Variants in LAMA2 observed in about 807,000 individuals in gnomAD.
LAMA2 encodes laminin subunit alpha-2.
LAMA2 carries 269 observed loss-of-function variants against 364.8 expected under a neutral mutation model. That is an observed-to-expected ratio of 0.74 (90% CI 0.67 to 0.82). The LOEUF (loss-of-function observed/expected upper bound fraction) is 0.82. LAMA2 is among the 40% of genes least tolerant of loss of function. The pLI is 0.00. For synonymous variants in LAMA2, 1,379 were observed against 1,370.6 expected, an observed-to-expected ratio of 1.01 and a Z score of -0.14; for missense variants, 3,807 against 3,873.2, an observed-to-expected ratio of 0.98 and a Z score of 0.45.
chr6:129,309,853 G>A, intron 22 of LAMA2, among the ~76,000 whole-genome samples: 1 of 150,644 alleles, frequency 6.6e-6, no homozygotes, highest in East Asian at 2.0e-4. Flanking sequence ...TAATTAGATA[G>A]AAAAATACTT....
chr6:128,887,741 G>A (rs1776224634), intron 1 of LAMA2, among the ~76,000 whole-genome samples: 1 of 152,018 alleles, frequency 6.6e-6, no homozygotes, highest in Admixed American at 6.5e-5. Flanking sequence ...GTGGTGGCAT[G>A]TGCCTGTAAT....
chr6:129,358,338 C>T (rs1215829421), intron 32 of LAMA2, among the ~76,000 whole-genome samples: 1 of 151,930 alleles, frequency 6.6e-6, no homozygotes, highest in Non-Finnish European at 1.5e-5. Flanking sequence ...TAAGGAGTTG[C>T]ACAGTTGAAT....
At chr6:129,299,663 T>A (rs1451974153) in intron 21 of LAMA2, among the ~76,000 whole-genome samples, 3 of 152,196 alleles carry the variant, frequency 2.0e-5, no homozygotes, top group Non-Finnish European at 4.4e-5. Flanking sequence ...AAATAAATCA[T>A]TTGGCTTAAA....
rs758481785 is a variant in LAMA2, at chr6:129,475,320, T to G, written c.7440-70T>G. The G allele has an allele frequency of 5.5e-6, 5 of 904,540 alleles. No individual in the cohort carries two copies. In the Admixed American group the frequency reaches 8.8e-5, roughly 16 times the overall value. The allele number at this position is 904,540 out of a possible 1,614,324, so 56.0% of individuals were successfully genotyped here. A position where few individuals can be genotyped will look rare whatever the true frequency, so the allele number is the denominator to read the frequency against. ...TTATGATTAAAGTTTATTGTTTTACTAAATGAAAATGTAATTATAAGTAAA... is the reference window on the plus strand; with the variant it reads ...TTATGATTAAAGTTTATTGTTTTACGAAATGAAAATGTAATTATAAGTAAA... On this transcript the variant is annotated intron_variant, in intron 52 of 64. Transcript: ENST00000421865.
intron 40 of LAMA2, among the ~76,000 whole-genome samples, chr6:129,424,041 TTAGAA>T (rs1253942434): frequency 6.6e-6 from 1 of 152,076 alleles, no homozygotes; most frequent in Non-Finnish European, 1.5e-5. Flanking sequence ...AAATAGATTA[TTAGAA>T]TAGATTAAAG....
At chr6:128,921,139 T>G (rs942179575) in intron 1 of LAMA2, among the ~76,000 whole-genome samples, 8 of 152,210 alleles carry the variant, frequency 5.3e-5, no homozygotes, top group African/African-American at 1.9e-4. Context: ...TAGATAGGAA[T>G]TACGTTTAAA....
chr6:129,401,832 T>C (rs551665715), intron 38 of LAMA2, among the ~76,000 whole-genome samples: 12 of 111,122 alleles, frequency 1.1e-4, no homozygotes, highest in Non-Finnish European at 1.7e-4. Context: ...GTTTCTTAAA[T>C]TTCCTAGTCT....
intron 1 of LAMA2, among the ~76,000 whole-genome samples, chr6:128,899,490 T>C (rs1028656981): frequency 1.2e-4 from 18 of 152,236 alleles, no homozygotes; most frequent in African/African-American, 4.3e-4. Flanking sequence ...TTGTTTCTGT[T>C]GCTTTATCTC....
intron 56 of LAMA2, among the ~76,000 whole-genome samples, chr6:129,488,259 G>A (rs1184732335): frequency 6.6e-6 from 1 of 152,090 alleles, no homozygotes; most frequent in Non-Finnish European, 1.5e-5. Context: ...TCAGTGAGCC[G>A]AGATCGCACC....
chr6:128,914,093 T>C (rs980271692), intron 1 of LAMA2, among the ~76,000 whole-genome samples: 1 of 152,138 alleles, frequency 6.6e-6, no homozygotes, highest in Non-Finnish European at 1.5e-5. Context: ...TTAACAGAAA[T>C]TATTTCCAAC....
chr6:129,406,937 C>T (rs1448580374), intron 40 of LAMA2, among the ~76,000 whole-genome samples: 2 of 152,152 alleles, frequency 1.3e-5, no homozygotes, highest in East Asian at 1.9e-4. Context: ...AAAGGCCTGA[C>T]AGCCCCTGGC....
At chr6:129,402,208 CAAAA>C (rs372396435) in intron 38 of LAMA2, 112 bp from the exon 39 acceptor site, 180 of 447,726 alleles carry the variant, frequency 4.0e-4, no homozygotes, top group Middle Eastern at 1.3e-3. Flanking sequence ...GACTCTGTCT[CAAAA>C]AAAAAAAAAA....
At chr6:128,940,128 T>C (rs1735789187) in intron 1 of LAMA2, among the ~76,000 whole-genome samples, 1 of 152,172 alleles carries the variant, frequency 6.6e-6, no homozygotes, top group South Asian at 2.1e-4. Context: ...TTTCTGAATG[T>C]GTTCTGTTCC....
At chr6:129,278,423 T>C (rs1788475488) in intron 17 of LAMA2, among the ~76,000 whole-genome samples, 1 of 152,194 alleles carries the variant, frequency 6.6e-6, no homozygotes, top group Non-Finnish European at 1.5e-5. Flanking sequence ...AAAGAAGACA[T>C]ATATATGCTA....
chr6:129,473,108 A>G (rs754506186), intron 51 of LAMA2, 106 bp from the exon 52 acceptor site: 5 of 782,810 alleles, frequency 6.4e-6, no homozygotes, highest in Non-Finnish European at 6.4e-6. Context: ...GAGAAAGTCA[A>G]TGTTAATTCT....
chr6:129,349,201 A>G, intron 30 of LAMA2, 97 bp from the exon 31 acceptor site: 1 of 916,294 alleles, frequency 1.1e-6, no homozygotes. Context: ...ATTACTACCT[A>G]AAAGTATGTC....
At chr6:129,200,137 T>C (rs1562323698) in intron 12 of LAMA2, among the ~76,000 whole-genome samples, 1 of 119,206 alleles carries the variant, frequency 8.4e-6, no homozygotes, top group African/African-American at 3.1e-5. Context: ...TATATATACG[T>C]GTACACATAT....
intron 12 of LAMA2, among the ~76,000 whole-genome samples, chr6:129,222,374 G>A (rs967295691): frequency 2.0e-5 from 3 of 151,768 alleles, no homozygotes; most frequent in Non-Finnish European, 4.4e-5. Flanking sequence ...TTAAGTTCTA[G>A]GGTACATGTG....
intron 30 of LAMA2, among the ~76,000 whole-genome samples, chr6:129,348,185 C>T (rs891236977): frequency 6.6e-6 from 1 of 152,072 alleles, no homozygotes; most frequent in South Asian, 2.1e-4. Flanking sequence ...TTGGATAATG[C>T]GTTTGTGAGT....
Sources: gnomAD v4.1 joint callset for allele counts (sites outside exome capture counted in the v4.1 genomes callset) on GRCh38, gnomAD v4.1.1 for gene constraint, MANE v1.5 for transcripts, NCBI Gene and HGNC (gene_info 2026-07-23, HGNC 2026-07-21) for gene names.